ADK: variants seen among roughly 807,000 people sequenced by gnomAD.
The protein encoded by ADK is N6,N6-dimethyladenosine kinase.
In ADK, 24 loss-of-function variants were observed where a neutral mutation model predicts 44.7. That is an observed-to-expected ratio of 0.54 (90% CI 0.39 to 0.76). The LOEUF is 0.76. Ranked by LOEUF, ADK falls within the 30% of genes least tolerant of loss-of-function variation. The pLI is 0.00. For synonymous variants in ADK, 128 were observed against 142.6 expected, an observed-to-expected ratio of 0.90 and a Z score of 0.73; for missense variants, 321 against 425.1, an observed-to-expected ratio of 0.76 and a Z score of 2.15.
intron 6 of ADK, among the ~76,000 whole-genome samples, chr10:74,405,544 A>G (rs1456262599): frequency 6.6e-6 from 1 of 151,986 alleles, no homozygotes; most frequent in African/African-American, 2.4e-5. Flanking sequence ...ATATGTATAC[A>G]TGTGCCATGT....
chr10:74,391,776 T>A (rs1462875349), intron 4 of ADK, among the ~76,000 whole-genome samples: 1 of 152,040 alleles, frequency 6.6e-6, no homozygotes, highest in African/African-American at 2.4e-5. Context: ...AGTATACGCA[T>A]GTTGTTACAT....
At chr10:74,653,940 CTT>C (rs772495972) in intron 9 of ADK, among the ~76,000 whole-genome samples, 12 of 152,280 alleles carry the variant, frequency 7.9e-5, no homozygotes, top group Admixed American at 4.6e-4. Flanking sequence ...ATGACATTGC[CTT>C]GTGGCATTAT....
intron 3 of ADK, among the ~76,000 whole-genome samples, chr10:74,256,446 C>T (rs1245655031): frequency 6.6e-6 from 1 of 152,136 alleles, no homozygotes; most frequent in Non-Finnish European, 1.5e-5. Context: ...TGTAACCTAT[C>T]TTCATGGCCT....
At position 74,638,263 on chromosome 10, in the gene ADK, G is replaced by T. The variant is rs1853686638; in HGVS notation, c.878-31920G>T. Among the ~76,000 whole-genome samples the T allele has an allele frequency of 3.3e-5, 5 of 152,104 alleles. No individual in the cohort carries two copies. In the South Asian group the frequency reaches 1.0e-3, roughly 32 times the overall value. ...GAATGTTAAAGTGGGTTTTAAGCAG[G>T]TTTTATATAATATATCAATACCACA... On this transcript the variant is annotated intron_variant, in intron 9 of 10. Coordinates refer to ENST00000539909, the MANE Select transcript of ADK (RefSeq NM_006721.4).
intron 6 of ADK, among the ~76,000 whole-genome samples, chr10:74,443,255 C>CA (rs1845484127): frequency 6.6e-6 from 1 of 152,014 alleles, no homozygotes; most frequent in Admixed American, 6.6e-5. Flanking sequence ...ACACATATAT[C>CA]AAAACATCAT....
chr10:74,352,846 A>G (rs1303138089), intron 4 of ADK, among the ~76,000 whole-genome samples: 1 of 152,224 alleles, frequency 6.6e-6, no homozygotes, highest in Non-Finnish European at 1.5e-5. Flanking sequence ...GAGAAATGCA[A>G]ATCAAAACCA....
intron 1 of ADK, among the ~76,000 whole-genome samples, chr10:74,199,909 A>G (rs912374568): frequency 9.9e-5 from 15 of 151,698 alleles, no homozygotes; most frequent in African/African-American, 3.6e-4. Context: ...TGATCTGCTG[A>G]CCTCATGATC....
rs527827019 is a variant in ADK, at chr10:74,491,147, C to A, written c.556-34109C>A. 3.3e-5 allele frequency among the ~76,000 whole-genome samples: 5 copies of A among 152,206 alleles called. No homozygotes were observed. In the South Asian group the frequency reaches 1.0e-3, roughly 32 times the overall value. On this transcript the variant is annotated intron_variant, in intron 6 of 10. Transcript: ENST00000539909. Reference sequence around the variant, plus strand: ...CTTAAAATGGACACACAAAAAAACACTACCACATAAGCTATACAGTGCCTT... The same window carrying A: ...CTTAAAATGGACACACAAAAAAACAATACCACATAAGCTATACAGTGCCTT...
intron 3 of ADK, among the ~76,000 whole-genome samples, chr10:74,281,058 G>A (rs1591979966): frequency 6.6e-6 from 1 of 152,176 alleles, no homozygotes; most frequent in East Asian, 1.9e-4. Context: ...GAAACATTTT[G>A]TGAGCCGACA....
rs3037448 is a variant in ADK at position 74,677,965 on chromosome 10, C to CAAAAA, written c.964+7719_964+7723dup. The stretch of plus-strand genomic sequence containing the variant: ...CAGCACAGTGAGACCCCAGTCTCTA[C>CAAAAA]AAAAAAAAAAAAAAAAAAAAAAAAA... On this transcript the variant is annotated intron_variant, in intron 10 of 10. Transcript: ENST00000539909. Among the ~76,000 whole-genome samples the CAAAAA allele has an allele frequency of 2.9e-3, 123 of 43,076 alleles. 37 individuals are homozygous for CAAAAA. Among genetic ancestry groups the CAAAAA allele is most frequent in the Middle Eastern group, 0.045 (2 of 44 alleles). The allele number at this position is 43,076 out of a possible 152,430, so 28.3% of individuals were successfully genotyped here. A position where few individuals can be genotyped will look rare whatever the true frequency, so the allele number is the denominator to read the frequency against.
At chr10:74,200,083 G>A (rs1843315948) in intron 1 of ADK, among the ~76,000 whole-genome samples, 1 of 151,596 alleles carries the variant, frequency 6.6e-6, no homozygotes, top group Non-Finnish European at 1.5e-5. Context: ...TCTTTTCACA[G>A]GGGCTAACCT....
rs903257671 is a variant in ADK at position 74,395,536 on chromosome 10, T to TA, written c.446+1232dup. 5.3e-4 allele frequency among the ~76,000 whole-genome samples: 81 copies of TA among 151,440 alleles called. No individual in the cohort carries two copies. The East Asian group carries it at 6.0e-3, about 11-fold the overall frequency. On this transcript the variant is annotated intron_variant, in intron 5 of 10. Transcript: ENST00000539909. ...ATTGAAATATGGGATTCAGGGATTTTAAAAAAAAACAACTAAAAATGTTGA... is the reference window on the plus strand; with the variant it reads ...ATTGAAATATGGGATTCAGGGATTTTAAAAAAAAAACAACTAAAAATGTTGA...
chr10:74,279,006 C>T lies in ADK; in HGVS notation c.195-35661C>T, dbSNP rs559130045. 9.9e-5 allele frequency among the ~76,000 whole-genome samples: 15 copies of T among 152,212 alleles called. No homozygotes were observed. The East Asian group carries it at 1.7e-3, about 18-fold the overall frequency. ...ATAAAAAAAATTGAGGCCAGCTGGGCGCGGTGGCTCACGCCTGTAATCCCA... is the reference window on the plus strand; with the variant it reads ...ATAAAAAAAATTGAGGCCAGCTGGGTGCGGTGGCTCACGCCTGTAATCCCA... On this transcript the variant is annotated intron_variant, in intron 3 of 10. Transcript: ENST00000539909.
At chr10:74,466,650 T>C (rs1047115573) in intron 6 of ADK, among the ~76,000 whole-genome samples, 1 of 152,184 alleles carries the variant, frequency 6.6e-6, no homozygotes, top group Non-Finnish European at 1.5e-5. Flanking sequence ...AGCAGCCTTT[T>C]GAGATCAAAT....
At chr10:74,511,582 T>C (rs1848327140) in intron 6 of ADK, among the ~76,000 whole-genome samples, 1 of 152,196 alleles carries the variant, frequency 6.6e-6, no homozygotes, top group Non-Finnish European at 1.5e-5. Flanking sequence ...AGGTTGCCTT[T>C]TTGAATTCTT....
At chr10:74,659,462 CAAT>C (rs1025812567) in intron 9 of ADK, among the ~76,000 whole-genome samples, 18 of 152,254 alleles carry the variant, frequency 1.2e-4, no homozygotes, top group Admixed American at 2.6e-4. Context: ...TTACCACAAA[CAAT>C]GATGTAGAGG....
At chr10:74,311,167 G>C (rs1840421118) in intron 3 of ADK, among the ~76,000 whole-genome samples, 1 of 151,724 alleles carries the variant, frequency 6.6e-6, no homozygotes, top group African/African-American at 2.4e-5. Context: ...ATGTATATTG[G>C]GTAATTTTGT....
At chr10:74,216,089 T>G (rs1844006023) in intron 2 of ADK, among the ~76,000 whole-genome samples, 1 of 152,216 alleles carries the variant, frequency 6.6e-6, no homozygotes, top group Non-Finnish European at 1.5e-5. Flanking sequence ...TGAATTTGCA[T>G]TTCTGTTATA....
At chr10:74,538,246 T>A (rs1224295450) in intron 7 of ADK, among the ~76,000 whole-genome samples, 1 of 147,514 alleles carries the variant, frequency 6.8e-6, no homozygotes, top group Non-Finnish European at 1.5e-5. Flanking sequence ...AGAGCGAGAC[T>A]CCGTCTCACA....
Sources: gnomAD v4.1 joint callset for allele counts (sites outside exome capture counted in the v4.1 genomes callset) on GRCh38, gnomAD v4.1.1 for gene constraint, MANE v1.5 for transcripts, NCBI Gene and HGNC (gene_info 2026-07-23, HGNC 2026-07-21) for gene names.